TDRD7: variants seen among roughly 807,000 people sequenced by gnomAD.
The protein encoded by TDRD7 is tudor domain-containing protein 7.
TDRD7 carries 47 observed loss-of-function variants against 109.8 expected under a neutral mutation model. The observed-to-expected ratio is 0.43, with a 90% CI of 0.34 to 0.55. TDRD7 has a LOEUF of 0.55. TDRD7 is among the 20% of genes least tolerant of loss of function. The pLI is 0.03. For missense variants in TDRD7, 1,164 were observed against 1,319.2 expected (o/e 0.88, Z 1.82); for synonymous variants, 424 against 457.3 (o/e 0.93, Z 0.93).
chr9:97,432,254 C>T lies in TDRD7; in HGVS notation c.563+16C>T, dbSNP rs756639535. 1 of 1,609,900 alleles carries T rather than the reference C, an allele frequency of 6.2e-7. No individual in the cohort carries two copies. The highest frequency in any genetic ancestry group is 1.1e-5 in the South Asian group (1 of 90,962). ...CCAACAACAGGTATTTGGCCTCTGA[C>T]TCACAGAAGTTTGGTGAATCTAGGG... is the stretch of plus-strand genomic sequence containing the variant. On this transcript the variant is annotated intron_variant, in intron 4 of 16. Coordinates refer to ENST00000355295, the MANE Select transcript of TDRD7 (RefSeq NM_014290.3).
intron 1 of TDRD7, among the ~76,000 whole-genome samples, chr9:97,414,391 C>T (rs946197371): frequency 2.0e-5 from 3 of 152,212 alleles, no homozygotes; most frequent in African/African-American, 7.2e-5. Flanking sequence ...CATGAGTAAG[C>T]AAACTCGGTT....
intron 5 of TDRD7, 77 bp from the exon 6 acceptor site, chr9:97,441,580 AG>A (rs1287707602): frequency 7.6e-7 from 1 of 1,313,708 alleles, no homozygotes; most frequent in Non-Finnish European, 1.1e-6. Context: ...CAAAACCTGA[AG>A]ATGCAAATAT....
intron 1 of TDRD7, among the ~76,000 whole-genome samples, chr9:97,414,451 G>C (rs1246464551): frequency 2.0e-5 from 3 of 152,236 alleles, no homozygotes; most frequent in Admixed American, 2.0e-4. Context: ...TCCAAGGAAA[G>C]TTGAGAATCA....
Position 97,482,930 on chromosome 9 carries a change from AT to A in TDRD7, c.2496del (p.Asn833IlefsTer18). On this transcript the variant is annotated frameshift_variant, in exon 15 of 17. Coordinates refer to ENST00000355295, the MANE Select transcript of TDRD7 (RefSeq NM_014290.3). LOFTEE classifies it high-confidence loss of function. ...PKNFPDPHRS[I>X]NRQITNADLW... ...GAACTTCCCTGACCCTCATCGCAGT[AT>A]TAATCGCCAGATTACAAATGCAGAC... 6.2e-7 allele frequency: 1 copy of A among 1,614,216 alleles called. No homozygotes were observed. Among genetic ancestry groups the A allele is most frequent in the Non-Finnish European group, 8.5e-7 (1 of 1,180,022 alleles).
At chr9:97,472,862 G>A (rs1828946368) in intron 10 of TDRD7, among the ~76,000 whole-genome samples, 1 of 151,762 alleles carries the variant, frequency 6.6e-6, no homozygotes, top group Admixed American at 6.6e-5. Flanking sequence ...AAAGAAGGAA[G>A]CCTTTAAATA....
chr9:97,427,246 C>T (rs1828014286), intron 1 of TDRD7, among the ~76,000 whole-genome samples: 1 of 151,374 alleles, frequency 6.6e-6, no homozygotes. Flanking sequence ...CTGAATTTGT[C>T]TTTTTTTTTC....
At chr9:97,421,027 C>T (rs928539670) in intron 1 of TDRD7, among the ~76,000 whole-genome samples, 2 of 151,188 alleles carry the variant, frequency 1.3e-5, no homozygotes, top group Admixed American at 6.6e-5. Context: ...CCCAGCAACT[C>T]GGGAGGCTGA....
chr9:97,465,443 T>C (rs1269548935), intron 8 of TDRD7, among the ~76,000 whole-genome samples: 1 of 152,200 alleles, frequency 6.6e-6, no homozygotes, highest in African/African-American at 2.4e-5. Flanking sequence ...ACACAGGTCC[T>C]TCTCCACAGC....
chr9:97,469,025 T>C (rs1271758756), intron 8 of TDRD7, among the ~76,000 whole-genome samples: 1 of 152,254 alleles, frequency 6.6e-6, no homozygotes, highest in African/African-American at 2.4e-5. Flanking sequence ...TCAGAAACAC[T>C]TTCTTTTGAG....
At chr9:97,436,361 A>AT (rs1828197620) in intron 4 of TDRD7, among the ~76,000 whole-genome samples, 1 of 152,010 alleles carries the variant, frequency 6.6e-6, no homozygotes, top group African/African-American at 2.4e-5. Flanking sequence ...AGGGAGTTAC[A>AT]TTTTTGTCAT....
rs755214186 is a variant in TDRD7, at chr9:97,482,936, C to A, written c.2500C>A (p.Arg834Ser). Residue 834 changes from arginine (R) to serine (S), a missense_variant, in exon 15 of 17, where the codon CGC (arginine) becomes AGC (serine). Arg to Ser is a moderately radical substitution (Grantham distance 110). Coordinates refer to ENST00000355295, the MANE Select transcript of TDRD7 (RefSeq NM_014290.3). ...NFPDPHRSIN[R>S]QITNADLWKH... Reference sequence around the variant, plus strand: ...CCCTGACCCTCATCGCAGTATTAATCGCCAGATTACAAATGCAGACTTGTG... The same window carrying A: ...CCCTGACCCTCATCGCAGTATTAATAGCCAGATTACAAATGCAGACTTGTG... 13 of 1,614,036 alleles carry A rather than the reference C, an allele frequency of 8.1e-6. No individual in the cohort carries two copies. Among genetic ancestry groups the A allele is most frequent in the Admixed American group, 1.7e-5 (1 of 59,990 alleles).
intron 12 of TDRD7, among the ~76,000 whole-genome samples, chr9:97,475,895 A>C (rs1829010190): frequency 1.3e-5 from 2 of 152,276 alleles, no homozygotes; most frequent in African/African-American, 4.8e-5. Context: ...TTTTTCATTC[A>C]TTATGTTTGT....
At chr9:97,434,359 G>A (rs1220566998) in intron 4 of TDRD7, among the ~76,000 whole-genome samples, 1 of 152,178 alleles carries the variant, frequency 6.6e-6, no homozygotes, top group East Asian at 1.9e-4. Context: ...GGGACGTGGG[G>A]TTAGGATGGG....
intron 16 of TDRD7, among the ~76,000 whole-genome samples, chr9:97,490,902 T>C (rs1483401085): frequency 6.7e-6 from 1 of 149,090 alleles, no homozygotes; most frequent in East Asian, 2.0e-4. Flanking sequence ...AGCATTTCTT[T>C]TCTTTTCTTT....
At chr9:97,491,135 C>T (rs1241300200) in intron 16 of TDRD7, among the ~76,000 whole-genome samples, 1 of 152,114 alleles carries the variant, frequency 6.6e-6, no homozygotes, top group Non-Finnish European at 1.5e-5. Flanking sequence ...CCAGACTGGT[C>T]TCGAACTCCT....
At chr9:97,444,344 A>G (rs550154728) in intron 6 of TDRD7, among the ~76,000 whole-genome samples, 5 of 152,334 alleles carry the variant, frequency 3.3e-5, no homozygotes, top group African/African-American at 7.2e-5. Flanking sequence ...GAAAACACCA[A>G]TCATATTGAT....
chr9:97,430,839 T>C (rs1230453619), intron 2 of TDRD7, 94 bp from the exon 3 acceptor site: 7 of 1,482,498 alleles, frequency 4.7e-6, no homozygotes, highest in African/African-American at 4.2e-5. Context: ...ACTTGGGATA[T>C]GTAGGCTCAC....
At position 97,428,723 on chromosome 9, in the gene TDRD7, C is replaced by G. The variant is rs752805518; in HGVS notation, c.207+51C>G. On this transcript the variant is annotated intron_variant, in intron 2 of 16. Transcript: ENST00000355295. ...AAGAATCAAACCAATTCATAATTGCCTCTCTGGCACTTCCAATCTCCTACC... is the reference window on the plus strand; with the variant it reads ...AAGAATCAAACCAATTCATAATTGCGTCTCTGGCACTTCCAATCTCCTACC... 2.7e-5 allele frequency: 42 copies of G among 1,538,126 alleles called. No individual in the cohort carries two copies. The Admixed American group carries it at 4.5e-4, about 17-fold the overall frequency.
intron 1 of TDRD7, among the ~76,000 whole-genome samples, chr9:97,418,833 A>G (rs1341941483): frequency 2.6e-5 from 4 of 152,176 alleles, no homozygotes; most frequent in Non-Finnish European, 4.4e-5. Context: ...TTCCCCATAA[A>G]TTAATGGTTG....
Sources: gnomAD v4.1 joint callset for allele counts (sites outside exome capture counted in the v4.1 genomes callset) on GRCh38, gnomAD v4.1.1 for gene constraint, MANE v1.5 for transcripts, NCBI Gene and HGNC (gene_info 2026-07-23, HGNC 2026-07-21) for gene names.